Variants in EFR3B observed in about 807,000 individuals in gnomAD.
EFR3B encodes EFR3 homolog B.
A neutral mutation model predicts 104.7 loss-of-function variants in EFR3B; 64 were observed. The ratio of observed to expected loss-of-function variants is 0.61; its 90% CI spans 0.50 to 0.75. EFR3B has a LOEUF of 0.75. EFR3B is among the 30% of genes least tolerant of loss of function. The pLI is 0.00. For synonymous variants in EFR3B, 385 were observed against 417.9 expected, an observed-to-expected ratio of 0.92 and a Z score of 0.96; for missense variants, 750 against 1,078.5, an observed-to-expected ratio of 0.70 and a Z score of 4.27.
intron 1 of EFR3B, among the ~76,000 whole-genome samples, chr2:25,085,559 G>A (rs1042344303): frequency 2.6e-5 from 4 of 152,020 alleles, no homozygotes; most frequent in East Asian, 1.9e-4. Context: ...CCACGTCCCC[G>A]GCTCAAGTGA....
In EFR3B at chr2:25,068,436, C is replaced by T. The variant is rs979248712; in HGVS notation, c.8-22889C>T. ...GAGTCAATGCAGGCTTGAGGAAGATCGGGAAGGCTCCACGCCTCATTTTCT... is the reference window on the plus strand; with the variant it reads ...GAGTCAATGCAGGCTTGAGGAAGATTGGGAAGGCTCCACGCCTCATTTTCT... On this transcript the variant is annotated intron_variant, in intron 1 of 22. Coordinates refer to ENST00000403714, the MANE Select transcript of EFR3B (RefSeq NM_014971.2). Among the ~76,000 whole-genome samples the T allele has an allele frequency of 3.9e-5, 6 of 152,196 alleles. No homozygotes were observed. In the South Asian group the frequency reaches 6.2e-4, roughly 16 times the overall value.
chr2:25,142,627 C>T (rs1442952872), intron 17 of EFR3B, among the ~76,000 whole-genome samples: 1 of 150,738 alleles, frequency 6.6e-6, no homozygotes, highest in African/African-American at 2.4e-5. Context: ...GGTGTGGTGG[C>T]GTGCGCCTGT....
chr2:25,074,871 C>G (rs1668593170), intron 1 of EFR3B, among the ~76,000 whole-genome samples: 1 of 152,136 alleles, frequency 6.6e-6, no homozygotes, highest in Admixed American at 6.5e-5. Flanking sequence ...CCTGTCTCCA[C>G]CTCCTAAAGT....
intron 20 of EFR3B, among the ~76,000 whole-genome samples, chr2:25,150,300 C>CAAAAAA (rs533611175): frequency 1.6e-5 from 1 of 62,830 alleles, no homozygotes. Flanking sequence ...ACTCCCATCT[C>CAAAAAA]AAAAAAAAAA....
Position 25,061,667 on chromosome 2 carries a change from T to C in EFR3B, c.7+19348T>C, listed in dbSNP as rs187135823. On this transcript the variant is annotated intron_variant, in intron 1 of 22. Coordinates refer to ENST00000403714, the MANE Select transcript of EFR3B (RefSeq NM_014971.2). ...CGCCACCACGCCCGGCTATTTCTTT[T>C]GTATTTTTAGTAGAGACGGGATTTC... 9.6e-4 allele frequency among the ~76,000 whole-genome samples: 145 copies of C among 150,370 alleles called. 1 individual carries two copies. In the East Asian group the frequency reaches 0.027, roughly 28 times the overall value.
chr2:25,061,572 C>G (rs1466055961), intron 1 of EFR3B, among the ~76,000 whole-genome samples: 1 of 152,060 alleles, frequency 6.6e-6, no homozygotes, highest in Non-Finnish European at 1.5e-5. Flanking sequence ...CGGCTCACTG[C>G]AACCTCCACC....
chr2:25,076,094 T>C (rs993806798), intron 1 of EFR3B, among the ~76,000 whole-genome samples: 4 of 151,744 alleles, frequency 2.6e-5, no homozygotes, highest in Non-Finnish European at 5.9e-5. Context: ...GGTCTCACTT[T>C]GTTGCCCTGG....
In EFR3B at chr2:25,130,539, T is replaced by C. The variant is rs1314981999; in HGVS notation, c.771-13T>C. On this transcript the variant is annotated splice_polypyrimidine_tract_variant and intron_variant, in intron 7 of 22. Transcript: ENST00000403714. The surrounding 1 kb of genome is among the most constrained non-coding windows in gnomAD (Gnocchi z 4.6). The stretch of plus-strand genomic sequence containing the variant: ...AGTTTCATAGTTGTTCCCCCACGTT[T>C]TCTCCCTCACAGCCATCTGGATAAC... 1.3e-6 allele frequency: 2 copies of C among 1,550,628 alleles called. No individual in the cohort carries two copies. Among genetic ancestry groups the C allele is most frequent in the Non-Finnish European group, 1.7e-6 (2 of 1,146,082 alleles).
Position 25,141,221 on chromosome 2 carries a change from C to G in EFR3B, c.1855-145C>G, listed in dbSNP as rs886874073. The G allele has an allele frequency of 6.4e-6, 5 of 781,106 alleles. No homozygotes were observed. In the African/African-American group the frequency reaches 8.9e-5, roughly 14 times the overall value. The allele number at this position is 781,106 out of a possible 1,614,324, so 48.4% of individuals were successfully genotyped here. On this transcript the variant is annotated intron_variant, in intron 16 of 22. Transcript: ENST00000403714. ...TGAGGGTCCCTGTTGATGCGAGTTT[C>G]CACTGAAAAGCTCAGCTGAGGACAC... is the stretch of plus-strand genomic sequence containing the variant.
chr2:25,081,564 T>C (rs1209155367), intron 1 of EFR3B: 9 of 920,404 alleles, frequency 9.8e-6, no homozygotes, highest in Non-Finnish European at 1.6e-5. Context: ...GTACTTGGAG[T>C]CCATGGTTAT....
chr2:25,057,422 A>AC (rs1668053457), intron 1 of EFR3B, among the ~76,000 whole-genome samples: 1 of 152,164 alleles, frequency 6.6e-6, no homozygotes, highest in Non-Finnish European at 1.5e-5. Context: ...CAAAAAAAAA[A>AC]ACAAAAAACA....
chr2:25,123,317 A>C (rs999460582), intron 5 of EFR3B, among the ~76,000 whole-genome samples: 2 of 149,194 alleles, frequency 1.3e-5, no homozygotes, highest in African/African-American at 2.5e-5. Context: ...CCATGATCGC[A>C]CCCCTGCACT....
intron 15 of EFR3B, among the ~76,000 whole-genome samples, chr2:25,138,120 A>C (rs551133546): frequency 6.8e-4 from 104 of 152,308 alleles, no homozygotes; most frequent in African/African-American, 2.5e-3. Context: ...TGCAGTGAGC[A>C]GAGATTTCAC....
At chr2:25,141,599 A>G (rs1670667739) in intron 17 of EFR3B, among the ~76,000 whole-genome samples, 166 bp downstream of exon 17, 1 of 151,972 alleles carries the variant, frequency 6.6e-6, no homozygotes, top group African/African-American at 2.4e-5. Context: ...GTAAAGTTCA[A>G]CCCCATCACA....
intron 2 of EFR3B, among the ~76,000 whole-genome samples, chr2:25,091,757 C>G (rs1212305447): frequency 1.3e-5 from 2 of 152,178 alleles, no homozygotes; most frequent in Non-Finnish European, 2.9e-5. Flanking sequence ...CCCTGCCGGT[C>G]AGTGTGAGGA....
rs143759615 is a variant in EFR3B, at chr2:25,121,153, C to T, written c.364-520C>T. The stretch of plus-strand genomic sequence containing the variant: ...CTGACCTCAAATGATCCACCTGCCT[C>T]GGCCTCCCAAAGTGCTGGGATTACA... On this transcript the variant is annotated intron_variant, in intron 4 of 22. Coordinates refer to ENST00000403714, the MANE Select transcript of EFR3B (RefSeq NM_014971.2). Among the ~76,000 whole-genome samples, 3,151 of 152,282 alleles carry T rather than the reference C, an allele frequency of 0.021. 250 individuals carry two copies. The East Asian group carries it at 0.27, about 13-fold the overall frequency.
intron 1 of EFR3B, among the ~76,000 whole-genome samples, chr2:25,071,561 C>T (rs1390548197): frequency 6.6e-6 from 1 of 152,130 alleles, no homozygotes; most frequent in Non-Finnish European, 1.5e-5. Flanking sequence ...ACCCAGCCAG[C>T]CAAGCTCTTT....
In EFR3B at chr2:25,136,782, G is replaced by A. The variant is rs1266139842; in HGVS notation, c.1560+184G>A. On this transcript the variant is annotated intron_variant, in intron 14 of 22. Coordinates refer to ENST00000403714, the MANE Select transcript of EFR3B (RefSeq NM_014971.2). This position sits in a 1 kb window ranked among gnomAD's most constrained non-coding sequence, Gnocchi z 4.0. ...GCTACAAAAATTAACCGGGCATGGT[G>A]GTGGGCACCTGCAATCCCAGCTACT... is the stretch of plus-strand genomic sequence containing the variant. Among the ~76,000 whole-genome samples, 1 of 152,232 alleles carries A rather than the reference G, an allele frequency of 6.6e-6. No homozygotes were observed. The highest frequency in any genetic ancestry group is 1.5e-5 in the Non-Finnish European group (1 of 68,040).
Position 25,121,673 on chromosome 2 carries a change from T to C in EFR3B, c.364T>C (p.Phe122Leu), listed in dbSNP as rs1670018566. 1 of 1,551,528 alleles carries C rather than the reference T, an allele frequency of 6.4e-7. No individual in the cohort carries two copies. Among genetic ancestry groups the C allele is most frequent in the Non-Finnish European group, 8.7e-7 (1 of 1,147,000 alleles). Residue 122 changes from phenylalanine (F) to leucine (L), a missense_variant and splice_region_variant, in exon 5 of 23, where the codon TTT (phenylalanine) becomes CTT (leucine). By Grantham distance (22) the Phe-to-Leu change is conservative. Transcript: ENST00000403714. ...PNLQILGTNS[F>L]VKFANIEEDT... ...TGTTTCTCTCCTTCCTCCCTGATAG[T>C]TTGTGAAGTTTGCCAACATCGAGGA...
Sources: allele counts gnomAD v4.1 joint callset (sites outside exome capture counted in the v4.1 genomes callset), GRCh38; gene constraint gnomAD v4.1.1; non-coding constraint Gnocchi (gnomAD v3.1); transcripts MANE v1.5; gene names NCBI Gene and HGNC (gene_info 2026-07-23, HGNC 2026-07-21).